The following ABR variants were observed in gnomAD, a reference collection of about 807,000 sequenced individuals.
ABR encodes ABR activator of RhoGEF and GTPase.
Under a neutral mutation model 107.2 loss-of-function variants are expected in ABR, and 35 were observed. The ratio of observed to expected loss-of-function variants is 0.33; its 90% confidence interval spans 0.25 to 0.43. The LOEUF (loss-of-function observed/expected upper bound fraction) is 0.43. Among genes scored for constraint, ABR ranks in the 20% least tolerant of loss-of-function variants. The pLI, the probability that ABR is intolerant of heterozygous loss-of-function variation, is 1.00. For missense variants in ABR, 815 were observed against 1,115.2 expected (o/e 0.73, Z 3.83); for synonymous variants, 498 against 462.0 (o/e 1.08, Z -1.00).
Position 1,084,259 on chromosome 17 carries a change from C to T in ABR, c.532-632G>A, listed in dbSNP as rs929630689. Among the ~76,000 whole-genome samples the T allele has an allele frequency of 6.6e-6, 1 of 152,248 alleles. No individual in the cohort carries two copies. Among genetic ancestry groups the T allele is most frequent in the African/African-American group, 2.4e-5 (1 of 41,468 alleles). ...GGGCATGGTGGCGCGTGCCTGTAAT[C>T]CCAGGTACTCAGGAGAATGAGGCAG... On this transcript the variant is annotated intron_variant, in intron 4 of 22. Transcript: ENST00000302538. The surrounding 1 kb of genome is among the most constrained non-coding windows in gnomAD (Gnocchi z 4.2).
At chr17:1,096,697 CG>C (rs1567748156) in intron 3 of ABR, among the ~76,000 whole-genome samples, 1 of 149,158 alleles carries the variant, frequency 6.7e-6, no homozygotes, top group African/African-American at 2.5e-5. Context: ...GAACCCGCCC[CG>C]GGAGGAGAGA....
chr17:1,103,319 AAC>A (rs1489518423), intron 2 of ABR, among the ~76,000 whole-genome samples: 2 of 151,994 alleles, frequency 1.3e-5, no homozygotes, highest in African/African-American at 2.4e-5. Flanking sequence ...CAGAGCCTGG[AAC>A]AGCCCCCAGC....
chr17:1,074,981 G>A (rs957924223), intron 6 of ABR, among the ~76,000 whole-genome samples: 6 of 152,178 alleles, frequency 3.9e-5, no homozygotes, highest in Non-Finnish European at 5.9e-5. Context: ...TCTCAAACAC[G>A]TGGCAGCCTG....
chr17:1,010,030 C>T lies in ABR; in HGVS notation c.2237-246G>A, dbSNP rs562622759. On this transcript the variant is annotated intron_variant, in intron 20 of 22. Coordinates refer to ENST00000302538, the MANE Select transcript of ABR (RefSeq NM_021962.5). The surrounding 1 kb of genome is among the most constrained non-coding windows in gnomAD (Gnocchi z 4.1). ...GTGGGAGCAGACCCCCTTCCTGCAG[C>T]TGACTGCATAGGCCTTGGGTGCTGG... The T allele has an allele frequency of 3.4e-6, 2 of 585,450 alleles. No homozygotes were observed. The highest frequency in any genetic ancestry group is 3.7e-5 in the African/African-American group (2 of 53,690). 36.3% of individuals were successfully genotyped at this position (585,450 alleles called of 1,614,324 possible).
At position 1,159,972 on chromosome 17, in the gene ABR, C is replaced by T. The variant is rs991067635; in HGVS notation, c.61+19695G>A. On this transcript the variant is annotated intron_variant, in intron 1 of 22. Coordinates refer to ENST00000302538, the MANE Select transcript of ABR (RefSeq NM_021962.5). ...CTGGCCCTGAACTGCAGGCCTCACACGTGACGCTGCCGCCGCTTGGGGAGG... is the reference window on the plus strand; with the variant it reads ...CTGGCCCTGAACTGCAGGCCTCACATGTGACGCTGCCGCCGCTTGGGGAGG... Among the ~76,000 whole-genome samples, 11 of 152,178 alleles carry T rather than the reference C, an allele frequency of 7.2e-5. No individual in the cohort carries two copies. In the East Asian group the frequency reaches 7.7e-4, roughly 11 times the overall value.
chr17:1,182,810 CCA>C (rs2042177495), upstream of ABR, among the ~76,000 whole-genome samples: 1 of 152,202 alleles, frequency 6.6e-6, no homozygotes, highest in Non-Finnish European at 1.5e-5. Context: ...TCTTCCATCT[CCA>C]GACGTCTGTC....
chr17:1,062,971 A>G (rs1375319991), intron 10 of ABR, among the ~76,000 whole-genome samples: 2 of 143,316 alleles, frequency 1.4e-5, no homozygotes, highest in African/African-American at 2.5e-5. Context: ...TGTTATGTGA[A>G]CTGAGGGCTA....
rs898871414 is a variant in ABR, at chr17:1,010,884, T to G, written c.2102-21A>C. ...GTTATCTGCAGGGGTGGGGCCGAGG[T>G]CAGGCAGCCTTAGCTGGGCCAGCAG... On this transcript the variant is annotated intron_variant, in intron 19 of 22. Transcript: ENST00000302538. This position sits in a 1 kb window ranked among gnomAD's most constrained non-coding sequence, Gnocchi z 4.1. The G allele has an allele frequency of 1.4e-5, 22 of 1,612,256 alleles. No individual in the cohort carries two copies. Among genetic ancestry groups the G allele is most frequent in the Non-Finnish European group, 1.9e-5 (22 of 1,179,866 alleles).
intron 1 of ABR, among the ~76,000 whole-genome samples, chr17:1,153,372 G>GCGGGAGGGCTGGGGGTCCAGGCACACCTA (rs1567833110): frequency 1.4e-5 from 2 of 147,944 alleles, no homozygotes; most frequent in Non-Finnish European, 3.0e-5. Flanking sequence ...TGGCACACCT[G>GCGGGAGGGCTGGGGGTCCAGGCACACCTA]CGGGAGGGCT....
chr17:1,179,192 C>G lies in ABR; in HGVS notation c.61+475G>C, dbSNP rs1194512304. On this transcript the variant is annotated intron_variant, in intron 1 of 22. Transcript: ENST00000302538. This position sits in a 1 kb window ranked among gnomAD's most constrained non-coding sequence, Gnocchi z 4.9. ...CCGAACCCCTGGGCCCTGAACCACA[C>G]ATGACCCGGTGCCCCTGGGGTGGCA... Among the ~76,000 whole-genome samples the G allele has an allele frequency of 1.5e-5, 2 of 129,712 alleles. No homozygotes were observed. The highest frequency in any genetic ancestry group is 2.9e-5 in the African/African-American group (1 of 35,028). 85.1% of individuals were successfully genotyped at this position (129,712 alleles called of 152,430 possible).
At chr17:1,088,370 C>T (rs552229356) in intron 4 of ABR, among the ~76,000 whole-genome samples, 4 of 151,898 alleles carry the variant, frequency 2.6e-5, no homozygotes, top group South Asian at 2.1e-4. Context: ...ATCCCTGAAC[C>T]GGAGGGAGCA....
chr17:1,137,396 C>G (rs917571892), intron 1 of ABR, among the ~76,000 whole-genome samples: 2 of 151,682 alleles, frequency 1.3e-5, no homozygotes, highest in African/African-American at 4.8e-5. Flanking sequence ...CACCTCGAGG[C>G]CACTGTAGGG....
chr17:1,226,216 G>A (rs1395140135), intron 1 of ABR, among the ~76,000 whole-genome samples: 2 of 152,184 alleles, frequency 1.3e-5, no homozygotes, highest in East Asian at 1.9e-4. Context: ...AAGGAAGACC[G>A]CCCGGGTGCT....
At chr17:1,025,164 C>T (rs1463973942) in intron 16 of ABR, among the ~76,000 whole-genome samples, 8 of 145,248 alleles carry the variant, frequency 5.5e-5, no homozygotes, top group East Asian at 2.0e-4. Flanking sequence ...GGCGTGGTGG[C>T]GGGCACCTGT....
At chr17:1,129,676 C>T (rs182413729) in intron 1 of ABR, among the ~76,000 whole-genome samples, 3 of 152,170 alleles carry the variant, frequency 2.0e-5, no homozygotes, top group African/African-American at 7.2e-5. Context: ...GGGCTGAACG[C>T]GGTGGCTCAC....
At chr17:1,107,886 G>C (rs866723410) in intron 2 of ABR, among the ~76,000 whole-genome samples, 1 of 152,326 alleles carries the variant, frequency 6.6e-6, no homozygotes, top group Middle Eastern at 3.4e-3. Context: ...CCGTGGTTCT[G>C]CATCTATTTT....
chr17:1,020,376 TCCGG>T lies in ABR; in HGVS notation c.1792-7216_1792-7213del, dbSNP rs556523803. Among the ~76,000 whole-genome samples, 935 of 152,274 alleles carry T rather than the reference TCCGG, an allele frequency of 6.1e-3. 10 individuals carry two copies. The highest frequency in any genetic ancestry group is 0.021 in the African/African-American group (882 of 41,562). ...GGGATTCCAGGCGTGAGCCCCTGCA[TCCGG>T]CCGACTGTTTTCTCTTTGTCTGGGC... On this transcript the variant is annotated intron_variant, in intron 16 of 22. Coordinates refer to ENST00000302538, the MANE Select transcript of ABR (RefSeq NM_021962.5).
intron 1 of ABR, among the ~76,000 whole-genome samples, chr17:1,166,466 C>T (rs1193821835): frequency 6.6e-6 from 1 of 152,134 alleles, no homozygotes; most frequent in East Asian, 1.9e-4. Flanking sequence ...TCCTGGGAAA[C>T]CGGGAGAGGC....
intron 16 of ABR, among the ~76,000 whole-genome samples, chr17:1,013,561 A>G (rs955327030): frequency 6.6e-6 from 1 of 152,244 alleles, no homozygotes; most frequent in East Asian, 1.9e-4. Context: ...ACAAAAGGTA[A>G]GCACCTGATT....
Sources: gnomAD v4.1 joint callset for allele counts (sites outside exome capture counted in the v4.1 genomes callset) on GRCh38, gnomAD v4.1.1 for gene constraint, Gnocchi (gnomAD v3.1) non-coding constraint, MANE v1.5 for transcripts, NCBI Gene and HGNC (gene_info 2026-07-23, HGNC 2026-07-21) for gene names.